The following MKX variants were observed in gnomAD, a reference collection of about 807,000 sequenced individuals.
The protein encoded by MKX is mohawk homeobox.
MKX carries 13 observed loss-of-function variants against 36.0 expected under a neutral mutation model. The observed-to-expected ratio is 0.36, with a 90% CI of 0.24 to 0.57. The LOEUF is 0.57. MKX is among the 20% of genes least tolerant of loss of function. The probability of loss-of-function intolerance (pLI) is 0.79; values close to 1 mark genes in which losing one functional copy is unlikely to be tolerated. For synonymous variants in MKX, 176 were observed against 178.3 expected, an observed-to-expected ratio of 0.99 and a Z score of 0.10; for missense variants, 458 against 456.4, an observed-to-expected ratio of 1.00 and a Z score of -0.03.
intron 5 of MKX, among the ~76,000 whole-genome samples, chr10:27,688,439 C>A (rs1256502964): frequency 6.6e-6 from 1 of 152,204 alleles, no homozygotes; most frequent in Non-Finnish European, 1.5e-5. Flanking sequence ...TGCCAAAACA[C>A]CACAACATGC....
intron 5 of MKX, among the ~76,000 whole-genome samples, chr10:27,683,415 A>G (rs1211055472): frequency 5.3e-5 from 8 of 152,254 alleles, no homozygotes; most frequent in Admixed American, 4.6e-4. Context: ...GGTTTGTGTT[A>G]GTACACACTA....
chr10:27,737,148 GA>G (rs1205881347), intron 3 of MKX, among the ~76,000 whole-genome samples: 1 of 152,138 alleles, frequency 6.6e-6, no homozygotes, highest in African/African-American at 2.4e-5. Context: ...GAAGCACAAG[GA>G]GCCTGATCCC....
chr10:27,689,586 T>C (rs1393763279), intron 5 of MKX, among the ~76,000 whole-genome samples: 1 of 152,100 alleles, frequency 6.6e-6, no homozygotes, highest in African/African-American at 2.4e-5. Context: ...AAAAGAACCA[T>C]GCATAAAGGC....
intron 5 of MKX, among the ~76,000 whole-genome samples, chr10:27,680,275 C>T (rs1836231023): frequency 6.6e-6 from 1 of 150,914 alleles, no homozygotes; most frequent in Non-Finnish European, 1.5e-5. Context: ...AAATCAGCTA[C>T]ACTGTCAATT....
chr10:27,711,444 T>TTTC (rs1836853931), intron 5 of MKX, among the ~76,000 whole-genome samples: 2 of 8,202 alleles, frequency 2.4e-4, no homozygotes, highest in African/African-American at 7.3e-4. Context: ...TCTTTCTTTC[T>TTTC]TTCTTTCTTT....
At chr10:27,719,994 AAG>A (rs1554773025) in intron 5 of MKX, among the ~76,000 whole-genome samples, 13 of 147,142 alleles carry the variant, frequency 8.8e-5, no homozygotes, top group African/African-American at 2.5e-4. Flanking sequence ...AAAAAAAAAA[AAG>A]AGAGAGAGAG....
At chr10:27,733,662 ACT>A (rs899385824) in intron 5 of MKX, among the ~76,000 whole-genome samples, 1 of 151,964 alleles carries the variant, frequency 6.6e-6, no homozygotes, top group African/African-American at 2.4e-5. Flanking sequence ...CAGGACCCAG[ACT>A]CTGTCTACAC....
In MKX at chr10:27,744,051, A is replaced by G. The variant is rs1834987910; in HGVS notation, c.-82-554T>C. ...TTTGGGGGATTTTCGTGTTTTCTAGATCGTGGATGGTTTGGTTGAAACCCC... is the reference window on the plus strand; with the variant it reads ...TTTGGGGGATTTTCGTGTTTTCTAGGTCGTGGATGGTTTGGTTGAAACCCC... On this transcript the variant is annotated intron_variant, in intron 1 of 6. Coordinates refer to ENST00000419761, the MANE Select transcript of MKX (RefSeq NM_173576.3). This position sits in a 1 kb window ranked among gnomAD's most constrained non-coding sequence, Gnocchi z 5.6. Among the ~76,000 whole-genome samples the G allele has an allele frequency of 6.6e-6, 1 of 151,990 alleles. No homozygotes were observed.
chr10:27,708,580 T>A (rs1427057277), intron 5 of MKX, among the ~76,000 whole-genome samples: 1 of 151,902 alleles, frequency 6.6e-6, no homozygotes, highest in African/African-American at 2.4e-5. Context: ...AATAAAAAAA[T>A]TAGCTGAGCG....
intron 5 of MKX, among the ~76,000 whole-genome samples, chr10:27,694,837 C>T (rs1400273312): frequency 1.3e-5 from 2 of 150,530 alleles, no homozygotes; most frequent in Non-Finnish European, 3.0e-5. Flanking sequence ...CACTCGTACA[C>T]AAGAGTAAAC....
chr10:27,682,582 C>T (rs1836272800), intron 5 of MKX, among the ~76,000 whole-genome samples: 1 of 152,108 alleles, frequency 6.6e-6, no homozygotes. Flanking sequence ...GCACCAGGGC[C>T]TGGTTTTGTG....
chr10:27,724,372 T>G (rs1246584510), intron 5 of MKX, among the ~76,000 whole-genome samples: 1 of 152,156 alleles, frequency 6.6e-6, no homozygotes, highest in African/African-American at 2.4e-5. Context: ...ACTGCTAAGG[T>G]GCTGCCCAAA....
intron 5 of MKX, among the ~76,000 whole-genome samples, chr10:27,711,499 T>TCTCTCTCCCTTCC (rs1554772224): frequency 4.3e-5 from 4 of 93,076 alleles, no homozygotes; most frequent in African/African-American, 2.1e-4. Context: ...CTCTCTCTTC[T>TCTCTCTCCCTTCC]TTCCTTCCTT....
At chr10:27,702,640 T>C (rs1836678368) in intron 5 of MKX, among the ~76,000 whole-genome samples, 1 of 152,288 alleles carries the variant, frequency 6.6e-6, no homozygotes, top group East Asian at 1.9e-4. Flanking sequence ...TCTCTAAACA[T>C]GTAGTTCATT....
chr10:27,685,005 G>T (rs912408522), intron 5 of MKX, among the ~76,000 whole-genome samples: 3 of 152,136 alleles, frequency 2.0e-5, no homozygotes, highest in African/African-American at 7.2e-5. Flanking sequence ...ATGTTATTTG[G>T]TTAAATGCCT....
At chr10:27,686,396 A>G (rs754923347) in intron 5 of MKX, among the ~76,000 whole-genome samples, 6 of 6,874 alleles carry the variant, frequency 8.7e-4, no homozygotes, top group Non-Finnish European at 3.0e-3. Flanking sequence ...GGGAAGGGAA[A>G]GGAAGGAAGG....
rs1406822036 is a variant in MKX at position 27,741,025 on chromosome 10, GAAA to G, written c.348+317_348+319del. ...GTCTCACCCCAGACCTGCTGAATCC[GAAA>G]CTCGGAGGTGGGGCCTAGCGATTCG... On this transcript the variant is annotated intron_variant, in intron 3 of 6. Coordinates refer to ENST00000419761, the MANE Select transcript of MKX (RefSeq NM_173576.3). The surrounding 1 kb of genome is among the most constrained non-coding windows in gnomAD (Gnocchi z 5.1). 2.0e-5 allele frequency among the ~76,000 whole-genome samples: 3 copies of G among 152,160 alleles called. No homozygotes were observed. The highest frequency in any genetic ancestry group is 7.2e-5 in the African/African-American group (3 of 41,444).
intron 5 of MKX, among the ~76,000 whole-genome samples, chr10:27,714,211 G>C (rs1836923445): frequency 6.6e-6 from 1 of 152,040 alleles, no homozygotes; most frequent in Admixed American, 6.6e-5. Context: ...TTTGTAGTCT[G>C]TCTGGCACTG....
intron 5 of MKX, among the ~76,000 whole-genome samples, chr10:27,727,669 C>T (rs1171659498): frequency 1.3e-5 from 2 of 152,176 alleles, no homozygotes; most frequent in Admixed American, 6.5e-5. Flanking sequence ...TTAAAAGATT[C>T]TGCTTAGAAA....
Sources: allele counts gnomAD v4.1 joint callset (sites outside exome capture counted in the v4.1 genomes callset), GRCh38; gene constraint gnomAD v4.1.1; non-coding constraint Gnocchi (gnomAD v3.1); transcripts MANE v1.5; gene names NCBI Gene and HGNC (gene_info 2026-07-23, HGNC 2026-07-21).